The following MAPK9 variants were observed in gnomAD, a reference collection of about 807,000 sequenced individuals.
The protein encoded by MAPK9 is Jun kinase.
In MAPK9, 30 loss-of-function variants were observed where a neutral mutation model predicts 57.1. The ratio of observed to expected loss-of-function variants is 0.53; its 90% confidence interval spans 0.39 to 0.71. The LOEUF (loss-of-function observed/expected upper bound fraction) is 0.71. Among genes scored for constraint, MAPK9 ranks in the 30% least tolerant of loss-of-function variants. The pLI is 0.00. For missense variants in MAPK9, 362 were observed against 521.0 expected (o/e 0.69, Z 2.97); for synonymous variants, 155 against 177.0 (o/e 0.88, Z 0.99).
At chr5:180,240,020 A>T (rs373029957) in intron 9 of MAPK9, 33 bp from the exon 10 acceptor site, 1 of 1,554,840 alleles carries the variant, frequency 6.4e-7, no homozygotes, top group Non-Finnish European at 8.8e-7. Context: ...AGTCAACAGT[A>T]ATGCCTCAAA....
chr5:180,288,946 A>C (rs1163929929), intron 1 of MAPK9, among the ~76,000 whole-genome samples: 3 of 152,250 alleles, frequency 2.0e-5, no homozygotes, highest in Non-Finnish European at 4.4e-5. Flanking sequence ...TTAAAATAAA[A>C]AGAATGATGT....
chr5:180,247,618 T>A lies in MAPK9; in HGVS notation c.617-108A>T. On this transcript the variant is annotated intron_variant, in intron 6 of 11. Coordinates refer to ENST00000452135, the MANE Select transcript of MAPK9 (RefSeq NM_002752.5). The surrounding 1 kb of genome is among the most constrained non-coding windows in gnomAD (Gnocchi z 4.5). ...AACACACAAATATGGAAAAATAAAT[T>A]GCTAGCTAAGGGTGACATTTTACAC... The A allele has an allele frequency of 9.2e-7, 1 of 1,082,148 alleles. No homozygotes were observed. The highest frequency in any genetic ancestry group is 2.0e-5 in the Admixed American group (1 of 50,498). 67.0% of individuals were successfully genotyped at this position (1,082,148 alleles called of 1,614,324 possible). A position where few individuals can be genotyped will look rare whatever the true frequency, so the allele number is the denominator to read the frequency against.
intron 1 of MAPK9, among the ~76,000 whole-genome samples, chr5:180,289,031 A>T (rs183270165): frequency 1.1e-3 from 162 of 152,366 alleles, no homozygotes; most frequent in African/African-American, 3.6e-3. Flanking sequence ...TAAAAATGGC[A>T]CCTTCCTAAC....
intron 2 of MAPK9, among the ~76,000 whole-genome samples, chr5:180,270,873 A>G (rs1340562475): frequency 2.7e-4 from 34 of 127,696 alleles, no homozygotes; most frequent in African/African-American, 1.1e-3. Flanking sequence ...AAAAAAAAAA[A>G]GAAAAAGAAA....
At chr5:180,241,320 T>C (rs75411026) in intron 8 of MAPK9, among the ~76,000 whole-genome samples, 165 bp from the exon 9 acceptor site, 8 of 151,670 alleles carry the variant, frequency 5.3e-5, no homozygotes, top group South Asian at 4.2e-4. Flanking sequence ...TTTTTTTTTT[T>C]CGGAGACGGA....
chr5:180,247,452 G>C lies in MAPK9; in HGVS notation c.675C>G (p.Phe225Leu), dbSNP rs771191228. 1 of 1,614,132 alleles carries C rather than the reference G, an allele frequency of 6.2e-7. No individual in the cohort carries two copies. Among genetic ancestry groups the C allele is most frequent in the South Asian group, 1.1e-5 (1 of 91,082 alleles). ...MGELVKGCVI[F>L]QGTDHIDQWN... Reference sequence around the variant, plus strand: ...GGGGAAGGATACGGTCAGTGCCTTGGAATATCACACAACCTTTCACCAGCT... The same window carrying C: ...GGGGAAGGATACGGTCAGTGCCTTGCAATATCACACAACCTTTCACCAGCT... The change falls in exon 7 of 12, where the codon TTC becomes TTG. Residue 225 changes from phenylalanine (F) to leucine (L), a missense_variant. Transcript: ENST00000452135. The surrounding 1 kb of genome is among the most constrained non-coding windows in gnomAD (Gnocchi z 4.5).
Position 180,247,460 on chromosome 5 carries a change from C to T in MAPK9, c.667G>A (p.Val223Met). The T allele has an allele frequency of 3.7e-6, 6 of 1,614,196 alleles. No homozygotes were observed. The highest frequency in any genetic ancestry group is 4.2e-6 in the Non-Finnish European group (5 of 1,180,044). The change falls in exon 7 of 12, where the codon GTG becomes ATG. Residue 223 changes from valine (V) to methionine (M), a missense_variant. Around this residue, in one of 3 missense-constraint regions of MAPK9, gnomAD observed 199 missense variants for 251.3 expected, o/e 0.79. Transcript: ENST00000452135. This position sits in a 1 kb window ranked among gnomAD's most constrained non-coding sequence, Gnocchi z 4.5. Reference sequence around the variant, plus strand: ...ATACGGTCAGTGCCTTGGAATATCACACAACCTTTCACCAGCTCTCCCATG... The same window carrying T: ...ATACGGTCAGTGCCTTGGAATATCATACAACCTTTCACCAGCTCTCCCATG... Reference protein sequence around the residue: ...CIMGELVKGCVIFQGTDHIDQ... With the variant: ...CIMGELVKGCMIFQGTDHIDQ...
At chr5:180,289,204 T>G (rs781226267) in intron 1 of MAPK9, among the ~76,000 whole-genome samples, 1 of 152,202 alleles carries the variant, frequency 6.6e-6, no homozygotes, top group Non-Finnish European at 1.5e-5. Context: ...GGTCCTTTTC[T>G]TTATCCAGAA....
intron 5 of MAPK9, chr5:180,257,539 C>T (rs1759417197): frequency 6.6e-6 from 1 of 152,214 alleles, no homozygotes; most frequent in African/African-American, 2.4e-5. Flanking sequence ...TTATCTCTGC[C>T]TCTAGTCTCA....
chr5:180,248,725 AT>A (rs1399046353), intron 6 of MAPK9, among the ~76,000 whole-genome samples: 6 of 152,252 alleles, frequency 3.9e-5, no homozygotes, highest in Non-Finnish European at 8.8e-5. Context: ...ACACTTGGCT[AT>A]AGACAGCTTA....
rs1409026362 is a variant in MAPK9, at chr5:180,292,034, T to G, written c.-234A>C. ...AGGGGCGCCGGGGCGCTGCGACCCT[T>G]CCGGTCCCGCTCCCTTCTCCGCCGC... On this transcript the variant is annotated 5_prime_UTR_variant, in exon 1 of 12. Coordinates refer to ENST00000452135, the MANE Select transcript of MAPK9 (RefSeq NM_002752.5). 6.4e-6 allele frequency: 1 copy of G among 155,478 alleles called. No homozygotes were observed. Among genetic ancestry groups the G allele is most frequent in the Non-Finnish European group, 1.4e-5 (1 of 71,854 alleles). 9.6% of individuals were successfully genotyped at this position (155,478 alleles called of 1,614,324 possible).
intron 3 of MAPK9, among the ~76,000 whole-genome samples, chr5:180,266,825 A>AGT (rs1454393805): frequency 6.6e-6 from 1 of 152,194 alleles, no homozygotes; most frequent in Non-Finnish European, 1.5e-5. Context: ...TTAAACTAGA[A>AGT]GTGTGTGTAC....
At chr5:180,263,706 C>CTTTTT (rs61215315) in intron 4 of MAPK9, among the ~76,000 whole-genome samples, 4 of 127,268 alleles carry the variant, frequency 3.1e-5, no homozygotes, top group East Asian at 2.3e-4. Context: ...GCACCAAATT[C>CTTTTT]TTTTTTTTTT....
At position 180,247,672 on chromosome 5, in the gene MAPK9, A is replaced by G; in HGVS notation, c.617-162T>C. 1 of 933,174 alleles carries G rather than the reference A, an allele frequency of 1.1e-6. No individual in the cohort carries two copies. The highest frequency in any genetic ancestry group is 1.7e-6 in the Non-Finnish European group (1 of 588,430). The allele number at this position is 933,174 out of a possible 1,614,324, so 57.8% of individuals were successfully genotyped here. A position where few individuals can be genotyped will look rare whatever the true frequency, so the allele number is the denominator to read the frequency against. On this transcript the variant is annotated intron_variant, in intron 6 of 11. Coordinates refer to ENST00000452135, the MANE Select transcript of MAPK9 (RefSeq NM_002752.5). The surrounding 1 kb of genome is among the most constrained non-coding windows in gnomAD (Gnocchi z 4.5). ...ATGAATGATTGCTGACCTCTATTTT[A>G]GCCTTCGGTTTGTAGCAATCTGGGG...
chr5:180,268,938 G>C (rs1382218369), intron 3 of MAPK9, among the ~76,000 whole-genome samples: 1 of 151,328 alleles, frequency 6.6e-6, no homozygotes, highest in East Asian at 1.9e-4. Context: ...AGGAGATCAA[G>C]ACCATCCTGA....
At chr5:180,267,931 CAGCT>C (rs1226504963) in intron 3 of MAPK9, among the ~76,000 whole-genome samples, 8 of 152,140 alleles carry the variant, frequency 5.3e-5, no homozygotes, top group Non-Finnish European at 2.9e-5. Context: ...GGTGCTATCT[CAGCT>C]CACTGCAAGC....
intron 1 of MAPK9, 53 bp from the exon 2 acceptor site, chr5:180,280,661 C>T: frequency 1.4e-6 from 2 of 1,423,546 alleles, no homozygotes; most frequent in Non-Finnish European, 1.9e-6. Flanking sequence ...ACATACGCAG[C>T]TCACGTAAGA....
At chr5:180,284,246 C>T (rs988122600) in intron 1 of MAPK9, among the ~76,000 whole-genome samples, 4 of 152,222 alleles carry the variant, frequency 2.6e-5, no homozygotes, top group African/African-American at 9.7e-5. Flanking sequence ...AGCCTGCATT[C>T]GCTGCCTCCA....
intron 3 of MAPK9, 71 bp downstream of exon 3, chr5:180,269,209 C>T (rs1208343194): frequency 1.3e-6 from 2 of 1,492,094 alleles, no homozygotes; most frequent in African/African-American, 1.4e-5. Flanking sequence ...AATGTATCTC[C>T]AGAAAACCCT....
Sources: gnomAD v4.1 joint callset for allele counts (sites outside exome capture counted in the v4.1 genomes callset) on GRCh38, gnomAD v4.1.1 for gene constraint, gnomAD v4.1.1 regional missense constraint, Gnocchi (gnomAD v3.1) non-coding constraint, MANE v1.5 for transcripts, NCBI Gene and HGNC (gene_info 2026-07-23, HGNC 2026-07-21) for gene names.